UMAD1: variants seen among roughly 807,000 people sequenced by gnomAD.
UMAD1 encodes UBAP1-MVB12-associated (UMA)-domain containing protein 1.
In UMAD1, 8 loss-of-function variants were observed where a neutral mutation model predicts 6.1. The observed-to-expected ratio is 1.30, with a 90% CI of 0.76 to 2.35. The LOEUF (loss-of-function observed/expected upper bound fraction) is 2.35. Ranked by LOEUF, UMAD1 falls within the 30% of genes most tolerant of loss-of-function variation. The pLI, the probability that UMAD1 is intolerant of heterozygous loss-of-function variation, is 0.00. For missense variants in UMAD1, 130 were observed against 78.4 expected (o/e 1.66, Z -2.49); for synonymous variants, 56 against 31.4 (o/e 1.78, Z -2.61).
In UMAD1 at chr7:7,691,013, G is replaced by A. The variant is rs113659988; in HGVS notation, c.82+17560G>A. Among the ~76,000 whole-genome samples, 887 of 152,262 alleles carry A rather than the reference G, an allele frequency of 5.8e-3. 11 individuals carry two copies. The highest frequency in any genetic ancestry group is 0.02 in the African/African-American group (842 of 41,542). On this transcript the variant is annotated intron_variant, in intron 2 of 3. Transcript: ENST00000682710. The stretch of plus-strand genomic sequence containing the variant: ...TAGGTCTCCAAAGTTACAGGACCTT[G>A]AAGCATGTAGAGCTCAGCATGGTAC...
intron 3 of UMAD1, among the ~76,000 whole-genome samples, chr7:7,874,563 T>C (rs1784383419): frequency 6.6e-6 from 1 of 152,110 alleles, no homozygotes; most frequent in Admixed American, 6.5e-5. Flanking sequence ...ACGCCTGTAA[T>C]CCCAGCACTT....
chr7:7,853,450 AT>A (rs549375760), intron 3 of UMAD1, among the ~76,000 whole-genome samples: 37 of 149,522 alleles, frequency 2.5e-4, no homozygotes, highest in Non-Finnish European at 3.3e-4. Context: ...TGAGCGTGGG[AT>A]TTTTTTTTTC....
intron 2 of UMAD1, among the ~76,000 whole-genome samples, chr7:7,684,483 A>T (rs1418945337): frequency 1.3e-5 from 2 of 152,012 alleles, no homozygotes; most frequent in Admixed American, 1.3e-4. Context: ...TGTTGGGATT[A>T]CTGGCCTGAG....
chr7:7,850,260 A>C (rs527456549), intron 3 of UMAD1, among the ~76,000 whole-genome samples: 76 of 152,268 alleles, frequency 5.0e-4, no homozygotes, highest in African/African-American at 1.8e-3. Flanking sequence ...ACAAATATTG[A>C]TATTTAAATA....
At chr7:7,739,857 A>G (rs995510934) in intron 2 of UMAD1, among the ~76,000 whole-genome samples, 1 of 152,252 alleles carries the variant, frequency 6.6e-6, no homozygotes, top group African/African-American at 2.4e-5. Flanking sequence ...TGAAGAAGAC[A>G]TTCAGATTCT....
Position 7,850,239 on chromosome 7 carries a change from T to G in UMAD1, c.157-27042T>G, listed in dbSNP as rs1188217251. ...TTTAATAGTTACAAAGATAAGAATT[T>G]TTTACAAATTACAAATATTGATATT... On this transcript the variant is annotated intron_variant, in intron 3 of 3. Coordinates refer to ENST00000682710, the MANE Select transcript of UMAD1 (RefSeq NM_001302348.2). Among the ~76,000 whole-genome samples, 5 of 152,084 alleles carry G rather than the reference T, an allele frequency of 3.3e-5. No homozygotes were observed. The East Asian group carries it at 9.6e-4, about 29-fold the overall frequency.
At chr7:7,836,023 A>G (rs1783561773) in intron 3 of UMAD1, among the ~76,000 whole-genome samples, 1 of 152,076 alleles carries the variant, frequency 6.6e-6, no homozygotes. Flanking sequence ...GAGAAATTTA[A>G]TCATCCACGG....
intron 2 of UMAD1, among the ~76,000 whole-genome samples, chr7:7,698,854 C>A (rs1456148268): frequency 6.6e-6 from 1 of 151,102 alleles, no homozygotes; most frequent in African/African-American, 2.4e-5. Context: ...TCGTTTCCAC[C>A]AACTCACCCT....
chr7:7,751,801 C>A (rs1014748175), intron 2 of UMAD1, among the ~76,000 whole-genome samples: 1 of 152,120 alleles, frequency 6.6e-6, no homozygotes, highest in Non-Finnish European at 1.5e-5. Context: ...AATGTGTTCA[C>A]GTGATCATAT....
intron 2 of UMAD1, among the ~76,000 whole-genome samples, chr7:7,734,388 A>G (rs1781309769): frequency 6.6e-6 from 1 of 152,204 alleles, no homozygotes; most frequent in African/African-American, 2.4e-5. Flanking sequence ...TTAAATTTTA[A>G]TTAAGGTCTT....
intron 3 of UMAD1, among the ~76,000 whole-genome samples, chr7:7,806,995 T>C (rs1351632471): frequency 3.3e-5 from 5 of 152,182 alleles, no homozygotes; most frequent in African/African-American, 9.6e-5. Context: ...CAAGTTCAGA[T>C]AAACATATAG....
chr7:7,648,489 GTA>G (rs1334866110), intron 1 of UMAD1, among the ~76,000 whole-genome samples: 5 of 152,130 alleles, frequency 3.3e-5, no homozygotes, highest in African/African-American at 1.2e-4. Context: ...GGCTACTGAT[GTA>G]TTATGATTTG....
chr7:7,709,838 G>A (rs1028639532), intron 2 of UMAD1, among the ~76,000 whole-genome samples: 2 of 151,676 alleles, frequency 1.3e-5, no homozygotes, highest in Non-Finnish European at 2.9e-5. Flanking sequence ...GAACACCTGT[G>A]TACCCACCAA....
chr7:7,789,520 G>A (rs1460931708), intron 2 of UMAD1, among the ~76,000 whole-genome samples: 2 of 151,940 alleles, frequency 1.3e-5, no homozygotes, highest in Non-Finnish European at 1.5e-5. Context: ...CTATTTTTGA[G>A]TATATAGTTT....
chr7:7,734,804 A>G (rs1262070632), intron 2 of UMAD1, among the ~76,000 whole-genome samples: 1 of 152,186 alleles, frequency 6.6e-6, no homozygotes, highest in Non-Finnish European at 1.5e-5. Context: ...GGAAAATGAT[A>G]TGCTAGCTAA....
At chr7:7,828,253 A>C (rs1438289584) in intron 3 of UMAD1, among the ~76,000 whole-genome samples, 1 of 152,168 alleles carries the variant, frequency 6.6e-6, no homozygotes, top group Admixed American at 6.5e-5. Flanking sequence ...AATAATAATA[A>C]AAGCTATTAT....
At chr7:7,857,605 G>T (rs1490614990) in intron 3 of UMAD1, among the ~76,000 whole-genome samples, 2 of 152,196 alleles carry the variant, frequency 1.3e-5, no homozygotes, top group Non-Finnish European at 2.9e-5. Flanking sequence ...AATTTCACTG[G>T]AATACATTTA....
At position 7,830,510 on chromosome 7, in the gene UMAD1, G is replaced by A. The variant is rs145803176; in HGVS notation, c.156+28767G>A. Among the ~76,000 whole-genome samples, 274 of 151,158 alleles carry A rather than the reference G, an allele frequency of 1.8e-3. 2 individuals are homozygous for A. Among genetic ancestry groups the A allele is most frequent in the African/African-American group, 6.1e-3 (251 of 41,176 alleles). ...TCTTTCTCTTTCTTTTCCCTTTTTC[G>A]TTTCTTTTCTTTCTTTTAACATGCG... On this transcript the variant is annotated intron_variant, in intron 3 of 3. Transcript: ENST00000682710. This position sits in a 1 kb window ranked among gnomAD's most constrained non-coding sequence, Gnocchi z 5.3.
chr7:7,677,664 G>GTT (rs141602455), intron 2 of UMAD1, among the ~76,000 whole-genome samples: 2 of 113,500 alleles, frequency 1.8e-5, no homozygotes, highest in Admixed American at 9.9e-5. Context: ...CTGTTTTTTT[G>GTT]TTTTTTTTTT....
Sources: allele counts gnomAD v4.1 joint callset (sites outside exome capture counted in the v4.1 genomes callset), GRCh38; gene constraint gnomAD v4.1.1; non-coding constraint Gnocchi (gnomAD v3.1); transcripts MANE v1.5; gene names NCBI Gene and HGNC (gene_info 2026-07-23, HGNC 2026-07-21).